CAMTA1: variants seen among roughly 807,000 people sequenced by gnomAD.
The protein encoded by CAMTA1 is calmodulin binding transcription activator 1.
In CAMTA1, 27 loss-of-function variants were observed where a neutral mutation model predicts 170.9. That is an observed-to-expected ratio of 0.16 (90% CI 0.12 to 0.22). The LOEUF (loss-of-function observed/expected upper bound fraction) is 0.22, where lower values mean the gene tolerates loss of function less well. Ranked by LOEUF, CAMTA1 falls within the 10% of genes least tolerant of loss-of-function variation. The probability of loss-of-function intolerance (pLI) is 1.00; values close to 1 mark genes in which losing one functional copy is unlikely to be tolerated. For missense variants in CAMTA1, 1,619 were observed against 2,217.2 expected (o/e 0.73, Z 5.42); for synonymous variants, 833 against 891.5 (o/e 0.93, Z 1.17).
At chr1:6,787,769 G>A (rs1276053714) in intron 1 of CAMTA1, among the ~76,000 whole-genome samples, 1 of 152,236 alleles carries the variant, frequency 6.6e-6, no homozygotes, top group African/African-American at 2.4e-5. Context: ...GAAGCGTACA[G>A]TGCCTGCCCA....
rs553564539 is a variant in CAMTA1 at position 7,677,563 on chromosome 1, C to T, written c.2780-36C>T. On this transcript the variant is annotated intron_variant, in intron 10 of 22. Transcript: ENST00000303635. ...GGTTCACCAGGCTGTAGGTACCCAC[C>T]CATCCCTTGACCTGGTCTTTTTCTC... 5 of 1,602,012 alleles carry T rather than the reference C, an allele frequency of 3.1e-6. No homozygotes were observed. The Admixed American group carries it at 5.1e-5, about 16-fold the overall frequency.
intron 4 of CAMTA1, among the ~76,000 whole-genome samples, chr1:7,206,784 C>G (rs560573702): frequency 1.2e-4 from 18 of 152,306 alleles, no homozygotes; most frequent in Admixed American, 1.2e-3. Context: ...TAGCTATTGT[C>G]AATGCTTAAA....
chr1:7,316,473 G>A (rs1677519529), intron 5 of CAMTA1, among the ~76,000 whole-genome samples: 1 of 152,242 alleles, frequency 6.6e-6, no homozygotes, highest in Non-Finnish European at 1.5e-5. Context: ...GAAGTAGTCA[G>A]CAGAATGCTT....
chr1:6,829,477 T>C (rs1178945879), intron 3 of CAMTA1, among the ~76,000 whole-genome samples: 1 of 152,230 alleles, frequency 6.6e-6, no homozygotes, highest in Non-Finnish European at 1.5e-5. Flanking sequence ...CCACCAATAC[T>C]GGTCCTCAGG....
In CAMTA1 at chr1:7,751,207, T is replaced by G; in HGVS notation, c.4698T>G (p.Leu1566=). 3 of 1,589,374 alleles carry G rather than the reference T, an allele frequency of 1.9e-6. No homozygotes were observed. The highest frequency in any genetic ancestry group is 2.6e-6 in the Non-Finnish European group (3 of 1,170,692). The part of the protein sequence containing the change: ...RCYRKYKQYA[L]YKKMTQAAIL... ...TCTTGTTTCCCCTGCAGTACGCACTTTATAAAAAGATGACACAGGCTGCCA... is the reference window on the plus strand; with the variant it reads ...TCTTGTTTCCCCTGCAGTACGCACTGTATAAAAAGATGACACAGGCTGCCA... Residue 1566 remains leucine (L), a synonymous_variant, in exon 20 of 23, where the codon CTT becomes CTG. Transcript: ENST00000303635.
At chr1:7,706,051 C>T (rs966876205) in intron 11 of CAMTA1, among the ~76,000 whole-genome samples, 5 of 152,218 alleles carry the variant, frequency 3.3e-5, no homozygotes, top group Admixed American at 2.6e-4. Flanking sequence ...ACATCAAAAG[C>T]ATTTCTCTAC....
intron 11 of CAMTA1, among the ~76,000 whole-genome samples, chr1:7,697,142 C>T (rs2096384882): frequency 6.6e-6 from 1 of 152,194 alleles, no homozygotes; most frequent in African/African-American, 2.4e-5. Flanking sequence ...ATTCGAACAG[C>T]ATAGGGAGGA....
Position 7,720,198 on chromosome 1 carries a change from C to T in CAMTA1, c.2915-12250C>T, listed in dbSNP as rs146524727. 3.5e-4 allele frequency among the ~76,000 whole-genome samples: 53 copies of T among 152,268 alleles called. No homozygotes were observed. The East Asian group carries it at 4.6e-3, about 13-fold the overall frequency. On this transcript the variant is annotated intron_variant, in intron 11 of 22. Coordinates refer to ENST00000303635, the MANE Select transcript of CAMTA1 (RefSeq NM_015215.4). ...TAGAAAGTGTTCCTTTTGTTTAACC[C>T]GATCGAAACCTCATGTTTATACAAC...
chr1:7,289,536 G>A (rs1047538937), intron 5 of CAMTA1, among the ~76,000 whole-genome samples: 8 of 152,198 alleles, frequency 5.3e-5, no homozygotes. Context: ...TCGTGTGTTT[G>A]TGGGCATCCT....
intron 3 of CAMTA1, among the ~76,000 whole-genome samples, chr1:7,061,916 A>G (rs968930977): frequency 6.6e-6 from 1 of 152,060 alleles, no homozygotes; most frequent in South Asian, 2.1e-4. Context: ...AGGTCCTATT[A>G]TATTAAATTT....
intron 5 of CAMTA1, among the ~76,000 whole-genome samples, chr1:7,335,452 C>A (rs986161821): frequency 6.6e-6 from 1 of 152,172 alleles, no homozygotes; most frequent in Non-Finnish European, 1.5e-5. Flanking sequence ...CGGGGATGCC[C>A]GTCAAAGCAG....
chr1:6,858,421 C>T (rs1283842002), intron 3 of CAMTA1, among the ~76,000 whole-genome samples: 3 of 137,834 alleles, frequency 2.2e-5, no homozygotes, highest in Non-Finnish European at 4.5e-5. Flanking sequence ...GTCTTTTCAG[C>T]ATTATCCTTA....
intron 11 of CAMTA1, among the ~76,000 whole-genome samples, chr1:7,688,405 G>C (rs1360585628): frequency 1.3e-5 from 2 of 152,296 alleles, no homozygotes; most frequent in African/African-American, 2.4e-5. Context: ...GGACCACAGA[G>C]AGACCGGTCA....
chr1:7,077,011 T>G (rs1639383236), intron 3 of CAMTA1, among the ~76,000 whole-genome samples: 1 of 152,250 alleles, frequency 6.6e-6, no homozygotes, highest in South Asian at 2.1e-4. Flanking sequence ...GGTTATGAAA[T>G]TCAAACACTA....
intron 4 of CAMTA1, among the ~76,000 whole-genome samples, chr1:7,180,036 A>G (rs1651772900): frequency 6.6e-6 from 1 of 152,186 alleles, no homozygotes; most frequent in African/African-American, 2.4e-5. Context: ...AAATGACAAA[A>G]GAGACATAAC....
chr1:7,711,867 G>A (rs772778581), intron 11 of CAMTA1, among the ~76,000 whole-genome samples: 1 of 152,186 alleles, frequency 6.6e-6, no homozygotes, highest in Non-Finnish European at 1.5e-5. Flanking sequence ...AGTCAGTTGA[G>A]TAATATTTCC....
At chr1:7,012,906 C>A (rs1012814037) in intron 3 of CAMTA1, among the ~76,000 whole-genome samples, 2 of 152,190 alleles carry the variant, frequency 1.3e-5, no homozygotes, top group African/African-American at 4.8e-5. Context: ...TTCTCGGGAA[C>A]CTCCACTTGT....
At chr1:7,193,582 G>A (rs1252538578) in intron 4 of CAMTA1, among the ~76,000 whole-genome samples, 2 of 151,954 alleles carry the variant, frequency 1.3e-5, no homozygotes. Flanking sequence ...GTGGAAGAAA[G>A]GACATAGGGA....
chr1:7,648,571 A>T (rs943021494), intron 7 of CAMTA1, among the ~76,000 whole-genome samples: 4 of 152,166 alleles, frequency 2.6e-5, no homozygotes, highest in Non-Finnish European at 5.9e-5. Flanking sequence ...TTCCAGGGTC[A>T]CTACCTCTGA....
Sources: allele counts gnomAD v4.1 joint callset (sites outside exome capture counted in the v4.1 genomes callset), GRCh38; gene constraint gnomAD v4.1.1; transcripts MANE v1.5; gene names NCBI Gene and HGNC (gene_info 2026-07-23, HGNC 2026-07-21).